Variants in TTN observed in about 807,000 individuals in gnomAD.
TTN encodes titin, also known as connectin.
TTN carries 1,525 observed loss-of-function variants against 3,223.0 expected under a neutral mutation model. That is an observed-to-expected ratio of 0.47 (90% CI 0.45 to 0.49). The LOEUF (loss-of-function observed/expected upper bound fraction) is 0.49. Ranked by LOEUF, TTN falls within the 20% of genes least tolerant of loss-of-function variation. TTN has a pLI of 0.00. For synonymous variants in TTN, 14,094 were observed against 15,161.0 expected (o/e 0.93, Z 5.17); for missense variants, 40,786 against 43,424.0 (o/e 0.94, Z 5.40).
At chr2:178,652,411 G>C in intron 202 of TTN, 47 bp downstream of exon 202, 1 of 1,612,806 alleles carries the variant, frequency 6.2e-7, no homozygotes, top group Non-Finnish European at 8.5e-7. Context: ...ATACTTTCCA[G>C]AGCAGAAGAG....
rs1266324965 is a variant in TTN, at chr2:178,666,960, A to G, written c.35798-59T>C. On this transcript the variant is annotated intron_variant, in intron 162 of 362. Transcript: ENST00000589042. ...AAAGGCAAAGGCATAAAGACATGAC[A>G]TACTAAGAAAGTTAGATATGTTAAT... is the stretch of plus-strand genomic sequence containing the variant. 1.8e-5 allele frequency: 22 copies of G among 1,236,698 alleles called. No homozygotes were observed. In the Middle Eastern group the frequency reaches 9.6e-4, roughly 54 times the overall value. The allele number at this position is 1,236,698 out of a possible 1,614,324, so 76.6% of individuals were successfully genotyped here.
In TTN at chr2:178,527,323, A is replaced by T; in HGVS notation, c.107681-16T>A. 3 of 1,579,434 alleles carry T rather than the reference A, an allele frequency of 1.9e-6. No individual in the cohort carries two copies. Among genetic ancestry groups the T allele is most frequent in the Non-Finnish European group, 1.7e-6 (2 of 1,163,608 alleles). On this transcript the variant is annotated splice_polypyrimidine_tract_variant and intron_variant, in intron 362 of 362. Transcript: ENST00000589042. ...GGCGGAATTCCTTTATGGAACAATGACAAAAAAAAGGTCTTAGAATCACTG... is the reference window on the plus strand; with the variant it reads ...GGCGGAATTCCTTTATGGAACAATGTCAAAAAAAAGGTCTTAGAATCACTG...
In TTN at chr2:178,724,479, T is replaced by A. The variant is rs764077044; in HGVS notation, c.20896A>T (p.Thr6966Ser). 6.2e-7 allele frequency: 1 copy of A among 1,612,508 alleles called. No homozygotes were observed. The highest frequency in any genetic ancestry group is 8.5e-7 in the Non-Finnish European group (1 of 1,178,894). The change falls in exon 72 of 363, where the codon ACT (threonine) becomes TCT (serine). Residue 6966 changes from threonine (T) to serine (S), a missense_variant. Thr to Ser is a moderately conservative substitution (Grantham distance 58). Transcript: ENST00000589042. ...GTGCCAGCCACCTTACACTCCAGAGTGCACGTTTCTCCTACAGTCACCGTC... is the reference window on the plus strand; with the variant it reads ...GTGCCAGCCACCTTACACTCCAGAGAGCACGTTTCTCCTACAGTCACCGTC... Reference protein sequence around the residue: ...PMTVTVGETCTLECKVAGTPE... With the variant: ...PMTVTVGETCSLECKVAGTPE...
chr2:178,610,060 T>A (rs140497184), intron 271 of TTN, 30 bp downstream of exon 271: 10 of 1,612,120 alleles, frequency 6.2e-6, no homozygotes, highest in Non-Finnish European at 8.5e-6. Context: ...TATTAGTTCT[T>A]AGCCATAGTG....
In TTN at chr2:178,580,090, T is replaced by C. The variant is rs1223983324; in HGVS notation, c.67197A>G (p.Lys22399=). The change falls in exon 318 of 363, where the codon AAA becomes AAG. Residue 22399 remains lysine (K), a synonymous_variant. Transcript: ENST00000589042. The part of the protein sequence containing the change: ...YVVQKRDAER[K]SWSTVTTECS... ...ACTCAGTTGTCACTGTAGACCAGGATTTCCTCTCTGCATCACGTTTTTGTA... is the reference window on the plus strand; with the variant it reads ...ACTCAGTTGTCACTGTAGACCAGGACTTCCTCTCTGCATCACGTTTTTGTA... The C allele has an allele frequency of 6.2e-7, 1 of 1,613,368 alleles. No individual in the cohort carries two copies. The highest frequency in any genetic ancestry group is 1.1e-5 in the South Asian group (1 of 91,070).
At position 178,602,521 on chromosome 2, in the gene TTN, T is replaced by G; in HGVS notation, c.54881A>C (p.Lys18294Thr). Residue 18294 changes from lysine to threonine, a missense_variant, in exon 283 of 363, where the codon AAA becomes ACA. Transcript: ENST00000589042. ...GCTGCCACCATCTTTGGCTGGAGGT[T>G]TCCATCCTAGTGAGATGCTTGACTT... is the stretch of plus-strand genomic sequence containing the variant. ...KTKSSISLGW[K>T]PPAKDGGSPI... 1 of 1,608,728 alleles carries G rather than the reference T, an allele frequency of 6.2e-7. No homozygotes were observed. Among genetic ancestry groups the G allele is most frequent in the Non-Finnish European group, 8.5e-7 (1 of 1,177,174 alleles).
In TTN at chr2:178,714,356, T is replaced by C; in HGVS notation, c.26418A>G (p.Lys8806=). The change falls in exon 91 of 363, where the codon AAA becomes AAG. Residue 8806 remains lysine, a synonymous_variant. Coordinates refer to ENST00000589042, the MANE Select transcript of TTN (RefSeq NM_001267550.2). The stretch of plus-strand genomic sequence containing the variant: ...CATCGTTTTTGATCTGACAAGTGTA[T>C]TTTCCAGCATTGGCTGGTTCCACTC... ...FSRVEPANAG[K]YTCQIKNDAG... 1 of 1,613,796 alleles carries C rather than the reference T, an allele frequency of 6.2e-7. No individual in the cohort carries two copies. The highest frequency in any genetic ancestry group is 8.5e-7 in the Non-Finnish European group (1 of 1,179,756).
chr2:178,782,693 C>G, intron 18 of TTN, 91 bp from the exon 19 acceptor site: 1 of 1,604,102 alleles, frequency 6.2e-7, no homozygotes, highest in East Asian at 2.2e-5. Flanking sequence ...AATCTCCCCC[C>G]AAGTTCCAAA....
chr2:178,751,905 G>A (rs1408998132), intron 47 of TTN: 2 of 1,596,590 alleles, frequency 1.3e-6, no homozygotes, highest in East Asian at 2.2e-5. Context: ...AAATATTCAG[G>A]CCAGGAGCTT....
In TTN at chr2:178,571,508, G is replaced by C. The variant is rs536979672; in HGVS notation, c.74624C>G (p.Thr24875Ser). Residue 24875 changes from threonine (T) to serine (S), a missense_variant, in exon 326 of 363, where the codon ACT becomes AGT. Coordinates refer to ENST00000589042, the MANE Select transcript of TTN (RefSeq NM_001267550.2). The part of the protein sequence containing the change: ...RTTIKACRLK[T>S]GCEYQFRIAA... Reference sequence around the variant, plus strand: ...AATTCTAAACTGATATTCACATCCAGTCTTCAGTCTGCAAGCCTTTATTGT... The same window carrying C: ...AATTCTAAACTGATATTCACATCCACTCTTCAGTCTGCAAGCCTTTATTGT... 1.2e-6 allele frequency: 2 copies of C among 1,613,286 alleles called. No individual in the cohort carries two copies. Among genetic ancestry groups the C allele is most frequent in the African/African-American group, 1.3e-5 (1 of 75,016 alleles).
Position 178,672,668 on chromosome 2 carries a change from G to T in TTN, c.34822C>A (p.Pro11608Thr). 6.2e-7 allele frequency: 1 copy of T among 1,609,688 alleles called. No homozygotes were observed. Among genetic ancestry groups the T allele is most frequent in the South Asian group, 1.1e-5 (1 of 90,704 alleles). ...GGGGGTGCCTCTTTTTTCTGAACAG[G>T]AACAGGTACTTTTTCCTCAGGAATT... ...KKIPEEKVPV[P>T]VQKKEAPPAK... is the part of the protein sequence containing the mutation. Residue 11608 changes from proline to threonine, a missense_variant, in exon 153 of 363, where the codon CCT becomes ACT. Physicochemically the swap from Pro to Thr is conservative, Grantham distance 38. Transcript: ENST00000589042.
chr2:178,722,098 A>C lies in TTN; in HGVS notation c.22565T>G (p.Val7522Gly), dbSNP rs1387361909. The C allele has an allele frequency of 3.8e-6, 6 of 1,598,060 alleles. No homozygotes were observed. Among genetic ancestry groups the C allele is most frequent in the Non-Finnish European group, 5.1e-6 (6 of 1,171,418 alleles). ...TTCTCCAGCAATAACATCTATAGAT[A>C]CAGGCTTGATGTCAAAGAAGGGAGA... The part of the protein sequence containing the change: ...KKSPFFDIKP[V>G]SIDVIAGESA... The change falls in exon 78 of 363, where the codon GTA (valine) becomes GGA (glycine). Residue 7522 changes from valine to glycine, a missense_variant. Transcript: ENST00000589042.
In TTN at chr2:178,664,857, A is replaced by T. The variant is rs567187864; in HGVS notation, c.36113T>A (p.Val12038Asp). ...VPSKKREPPSVKVPEALQEIV... is the reference protein window; with the variant it reads ...VPSKKREPPSDKVPEALQEIV... ...GAGAGCATGGTGACTTGTACCTTTA[A>T]CTGATGGGGGTTCTCTTTTTTTGGA... The change falls in exon 166 of 363, where the codon GTT becomes GAT. Residue 12038 changes from valine to aspartate, a missense_variant. Physicochemically the swap from Val to Asp is radical, Grantham distance 152 (BLOSUM62 -3). Coordinates refer to ENST00000589042, the MANE Select transcript of TTN (RefSeq NM_001267550.2). The T allele has an allele frequency of 6.2e-7, 1 of 1,611,578 alleles. No individual in the cohort carries two copies. Among genetic ancestry groups the T allele is most frequent in the Non-Finnish European group, 8.5e-7 (1 of 1,179,524 alleles).
intron 100 of TTN, among the ~76,000 whole-genome samples, chr2:178,707,234 G>A (rs975611694): frequency 2.6e-5 from 4 of 151,998 alleles, no homozygotes; most frequent in African/African-American, 7.2e-5. Context: ...ACTTTCTATC[G>A]CATTATTATA....
In TTN at chr2:178,712,785, A is replaced by T. The variant is rs1418163017; in HGVS notation, c.27240T>A (p.Asp9080Glu). ...ATTCTCCACTTTGTGATGTATCTAC[A>T]TCGAACAACTCCAGTTCAGCAACTG... ...EDSVAELELF[D>E]VDTSQSGEYT... is the part of the protein sequence containing the mutation. The change falls in exon 94 of 363, where the codon GAT becomes GAA. Residue 9080 changes from aspartate (D) to glutamate (E), a missense_variant. Coordinates refer to ENST00000589042, the MANE Select transcript of TTN (RefSeq NM_001267550.2). The T allele has an allele frequency of 6.2e-7, 1 of 1,613,824 alleles. No individual in the cohort carries two copies. The highest frequency in any genetic ancestry group is 8.5e-7 in the Non-Finnish European group (1 of 1,179,790).
rs2092873147 is a variant in TTN, at chr2:178,782,550, T to C, written c.3153A>G (p.Thr1051=). ...ETTAVTEKFT[T]EEKRFVESRD... is the part of the protein sequence containing the mutation. ...GCAAAATATTTTACCGTTTCTCTTC[T>C]GTAGTAAATTTCTCAGTCACGGCTG... Residue 1051 remains threonine (T), a synonymous_variant, in exon 19 of 363, where the codon ACA becomes ACG. Transcript: ENST00000589042. 2 of 1,613,932 alleles carry C rather than the reference T, an allele frequency of 1.2e-6. No homozygotes were observed. The highest frequency in any genetic ancestry group is 1.7e-5 in the Admixed American group (1 of 59,992).
Position 178,695,353 on chromosome 2 carries a change from G to T in TTN, c.31265C>A (p.Pro10422His). 6.2e-7 allele frequency: 1 copy of T among 1,611,420 alleles called. No homozygotes were observed. Among genetic ancestry groups the T allele is most frequent in the Non-Finnish European group, 8.5e-7 (1 of 1,178,032 alleles). The change falls in exon 115 of 363, where the codon CCT becomes CAT. Residue 10422 changes from proline to histidine, a missense_variant. Transcript: ENST00000589042. ...AAATATTTCTAATTACTTACCTTTA[G>T]GAGGTGGTGGTGCTTTCTTTTCAGG... ...KVPEKKAPPP[P>H]KVIKKPVIEK...
rs138846756 is a variant in TTN at position 178,542,856 on chromosome 2, C to T, written c.96998G>A (p.Arg32333His). The T allele has an allele frequency of 2.2e-4, 358 of 1,613,734 alleles. 1 individual carries two copies. The African/African-American group carries it at 3.3e-3, about 15-fold the overall frequency. ...PVELVIPIAG[R>H]PPPAASWFFA... is the part of the protein sequence containing the mutation. ...GAACCAGGAAGCAGCAGGAGGTGGA[C>T]GGCCAGCAATAGGTATCACCAGCTC... The change falls in exon 348 of 363, where the codon CGT becomes CAT. Residue 32333 changes from arginine (R) to histidine (H), a missense_variant. Arg to His is a conservative substitution (Grantham distance 29). Coordinates refer to ENST00000589042, the MANE Select transcript of TTN (RefSeq NM_001267550.2).
Position 178,539,970 on chromosome 2 carries a change from G to GA in TTN, c.98099-5dup, listed in dbSNP as rs775413714. On this transcript the variant is annotated splice_region_variant and splice_polypyrimidine_tract_variant and intron_variant, in intron 351 of 362. Transcript: ENST00000589042. ...TCAAGTTCATAATCAGGATATTCTG[G>GA]AAAAAAAGGTAGGGTTTCAATTTAG... 1.2e-6 allele frequency: 2 copies of GA among 1,604,124 alleles called. No homozygotes were observed. Among genetic ancestry groups the GA allele is most frequent in the African/African-American group, 2.7e-5 (2 of 74,098 alleles).
Sources: allele counts gnomAD v4.1 joint callset (sites outside exome capture counted in the v4.1 genomes callset), GRCh38; gene constraint gnomAD v4.1.1; transcripts MANE v1.5; gene names NCBI Gene and HGNC (gene_info 2026-07-23, HGNC 2026-07-21).